The following VPS13B variants were observed in gnomAD, a reference collection of about 807,000 sequenced individuals.
The protein encoded by VPS13B is vacuolar protein sorting 13 homolog B, also known as intermembrane lipid transfer protein VPS13B.
VPS13B carries 285 observed loss-of-function variants against 426.4 expected under a neutral mutation model. The observed-to-expected ratio is 0.67, with a 90% confidence interval of 0.61 to 0.74. The LOEUF is 0.74. Ranked by LOEUF, VPS13B falls within the 30% of genes least tolerant of loss-of-function variation. VPS13B has a pLI of 0.00. For synonymous variants in VPS13B, 1,676 were observed against 1,676.4 expected (o/e 1.00, Z 0.01); for missense variants, 4,537 against 4,782.6 (o/e 0.95, Z 1.51).
intron 16 of VPS13B, among the ~76,000 whole-genome samples, chr8:99,187,179 A>C (rs1813266552): frequency 6.6e-6 from 1 of 152,082 alleles, no homozygotes; most frequent in African/African-American, 2.4e-5. Context: ...TGTGTTCTTT[A>C]CTACTTATCA....
chr8:99,839,850 G>T (rs1027609133), intron 54 of VPS13B, among the ~76,000 whole-genome samples: 7 of 152,210 alleles, frequency 4.6e-5, no homozygotes, highest in Non-Finnish European at 8.8e-5. Flanking sequence ...TTTTCTTCTT[G>T]TATCAATCTG....
intron 43 of VPS13B, among the ~76,000 whole-genome samples, chr8:99,803,740 T>C (rs902288551): frequency 3.3e-5 from 5 of 152,248 alleles, no homozygotes; most frequent in Admixed American, 6.5e-5. Context: ...GCAACATATT[T>C]CATTTTTATG....
intron 17 of VPS13B, among the ~76,000 whole-genome samples, chr8:99,210,746 C>T (rs1815041300): frequency 6.6e-6 from 1 of 152,056 alleles, no homozygotes; most frequent in Admixed American, 6.6e-5. Flanking sequence ...GCTGGGACCA[C>T]AAGTGCCCAC....
At chr8:99,606,403 G>A (rs1000117570) in intron 33 of VPS13B, among the ~76,000 whole-genome samples, 2 of 149,740 alleles carry the variant, frequency 1.3e-5, no homozygotes, top group Admixed American at 6.8e-5. Flanking sequence ...TATCAAGCCA[G>A]ATGTCAGTCC....
intron 43 of VPS13B, among the ~76,000 whole-genome samples, chr8:99,792,001 T>TA: frequency 6.6e-6 from 1 of 152,248 alleles, no homozygotes; most frequent in East Asian, 1.9e-4. Flanking sequence ...ATAATATTTT[T>TA]AAATGTAGCC....
rs1320456548 is a variant in VPS13B, at chr8:99,050,224, C to T, written c.291+11658C>T. Among the ~76,000 whole-genome samples, 4 of 151,824 alleles carry T rather than the reference C, an allele frequency of 2.6e-5. No homozygotes were observed. The South Asian group carries it at 6.3e-4, about 24-fold the overall frequency. On this transcript the variant is annotated intron_variant, in intron 3 of 61. Coordinates refer to ENST00000357162, the MANE Select transcript of VPS13B (RefSeq NM_152564.5). ...AACAGGCCCTGCTGTGTGATGTTCC[C>T]CTTCCTGTGTCTATGTGTGCTCATT... is the stretch of plus-strand genomic sequence containing the variant.
intron 39 of VPS13B, among the ~76,000 whole-genome samples, chr8:99,727,725 T>C (rs1041603628): frequency 5.3e-5 from 8 of 152,200 alleles, no homozygotes; most frequent in Admixed American, 1.3e-4. Context: ...AGATGAGATT[T>C]GGGTGGGGAC....
chr8:99,390,747 G>T (rs1040173291), intron 20 of VPS13B, among the ~76,000 whole-genome samples: 1 of 152,114 alleles, frequency 6.6e-6, no homozygotes. Flanking sequence ...AAAACGCAAC[G>T]TTTGATGATT....
chr8:99,053,012 T>G (rs1256733570), intron 3 of VPS13B, among the ~76,000 whole-genome samples: 1 of 152,106 alleles, frequency 6.6e-6, no homozygotes, highest in East Asian at 1.9e-4. Flanking sequence ...TTTGAAGGGT[T>G]TTTTGTGTCT....
intron 23 of VPS13B, among the ~76,000 whole-genome samples, chr8:99,458,094 T>G (rs1281487364): frequency 3.6e-5 from 4 of 111,594 alleles, no homozygotes; most frequent in Admixed American, 1.3e-4. Context: ...CAGGCCCCGG[T>G]GTGTGATGTT....
At chr8:99,121,560 G>C in intron 8 of VPS13B, 115 bp downstream of exon 8, 1 of 1,512,750 alleles carries the variant, frequency 6.6e-7, no homozygotes, top group Non-Finnish European at 8.8e-7. Flanking sequence ...ATGTGAGATA[G>C]AGTCTAACAG....
At chr8:99,438,816 C>A (rs929717538) in intron 22 of VPS13B, among the ~76,000 whole-genome samples, 1 of 151,842 alleles carries the variant, frequency 6.6e-6, no homozygotes, top group South Asian at 2.1e-4. Flanking sequence ...TTTTAATGGC[C>A]CCTATATACA....
chr8:99,864,209 C>T (rs35135010), intron 58 of VPS13B, among the ~76,000 whole-genome samples: 36,697 of 152,080 alleles, frequency 0.24, 5,492 homozygotes, highest in African/African-American at 0.42. Context: ...GAAATTGCCA[C>T]ATACAATGCA....
At chr8:99,540,053 A>T (rs1486943208) in intron 30 of VPS13B, among the ~76,000 whole-genome samples, 6 of 5,512 alleles carry the variant, frequency 1.1e-3, no homozygotes, top group Non-Finnish European at 1.6e-3. Flanking sequence ...ATATATATAT[A>T]TATATATATA....
intron 17 of VPS13B, among the ~76,000 whole-genome samples, chr8:99,194,634 G>T (rs977905368): frequency 6.6e-6 from 1 of 152,002 alleles, no homozygotes; most frequent in African/African-American, 2.4e-5. Flanking sequence ...AATCTATTGC[G>T]GATATATGCC....
At chr8:99,726,543 A>C (rs746615129) in intron 39 of VPS13B, among the ~76,000 whole-genome samples, 10 of 152,220 alleles carry the variant, frequency 6.6e-5, no homozygotes, top group Non-Finnish European at 1.0e-4. Flanking sequence ...TCCTATACAG[A>C]TCTGTCATGG....
intron 54 of VPS13B, among the ~76,000 whole-genome samples, chr8:99,837,378 A>G (rs899328332): frequency 6.6e-6 from 1 of 152,228 alleles, no homozygotes; most frequent in African/African-American, 2.4e-5. Context: ...TCCCAGTCTC[A>G]TTAATTTACA....
intron 43 of VPS13B, among the ~76,000 whole-genome samples, chr8:99,790,003 C>CCA (rs753271789): frequency 8.6e-5 from 13 of 151,824 alleles, no homozygotes; most frequent in Non-Finnish European, 1.3e-4. Context: ...TTAAGCACCC[C>CCA]CACACACACA....
At chr8:99,616,139 G>C (rs1828075975) in intron 33 of VPS13B, among the ~76,000 whole-genome samples, 1 of 152,064 alleles carries the variant, frequency 6.6e-6, no homozygotes, top group South Asian at 2.1e-4. Flanking sequence ...CTTTTACTCT[G>C]TTTTAGCTAA....
Sources: allele counts gnomAD v4.1 joint callset (sites outside exome capture counted in the v4.1 genomes callset), GRCh38; gene constraint gnomAD v4.1.1; transcripts MANE v1.5; gene names NCBI Gene and HGNC (gene_info 2026-07-23, HGNC 2026-07-21).